Variants in LINGO2 observed in about 807,000 individuals in gnomAD.
The protein encoded by LINGO2 is leucine rich repeat and Ig domain containing 2.
Under a neutral mutation model 30.6 loss-of-function variants are expected in LINGO2, and 14 were observed. The observed-to-expected ratio is 0.46, with a 90% CI of 0.30 to 0.72. The LOEUF (loss-of-function observed/expected upper bound fraction) is 0.72. Ranked by LOEUF, LINGO2 falls within the 30% of genes least tolerant of loss-of-function variation. The probability of loss-of-function intolerance (pLI) is 0.07; values close to 1 mark genes in which losing one functional copy is unlikely to be tolerated. For synonymous variants in LINGO2, 317 were observed against 288.5 expected (o/e 1.10, Z -1.00); for missense variants, 729 against 751.7 (o/e 0.97, Z 0.35).
intron 2 of LINGO2, among the ~76,000 whole-genome samples, chr9:28,441,580 T>C (rs1242592310): frequency 6.6e-6 from 1 of 152,108 alleles, no homozygotes; most frequent in African/African-American, 2.4e-5. Flanking sequence ...CTCATACCAG[T>C]TGTCTAGGCA....
downstream of LINGO2, among the ~76,000 whole-genome samples, chr9:27,947,014 C>T (rs376242013): frequency 6.6e-6 from 1 of 152,038 alleles, no homozygotes; most frequent in African/African-American, 2.4e-5. Flanking sequence ...GAATGTCAAC[C>T]CGCCAATCCA....
chr9:28,867,484 GAA>G, the LINGO2 span, among the ~76,000 whole-genome samples: 1 of 104,784 alleles, frequency 9.5e-6, no homozygotes, highest in Non-Finnish European at 2.1e-5. Context: ...TTCAAGTAAA[GAA>G]AAAAAAAAAA....
At chr9:28,041,407 G>C (rs1349693041) in intron 4 of LINGO2, among the ~76,000 whole-genome samples, 2 of 152,098 alleles carry the variant, frequency 1.3e-5, no homozygotes, top group African/African-American at 4.8e-5. Flanking sequence ...GTGTGCTTCT[G>C]TGTATAAAAC....
At chr9:28,839,857 GC>G in the LINGO2 span, among the ~76,000 whole-genome samples, 48 of 152,104 alleles carry the variant, frequency 3.2e-4, no homozygotes, top group Non-Finnish European at 3.5e-4. Flanking sequence ...GGTGCATGGT[GC>G]CCTGGCTGTT....
At chr9:29,140,711 T>C in the LINGO2 span, among the ~76,000 whole-genome samples, 36,981 of 151,650 alleles carry the variant, frequency 0.24, 4,691 homozygotes, top group East Asian at 0.44. Flanking sequence ...AAGAAGATCA[T>C]ATCATGTCAA....
chr9:28,496,846 C>A (rs1452925556), intron 1 of LINGO2, among the ~76,000 whole-genome samples: 2 of 152,234 alleles, frequency 1.3e-5, no homozygotes, highest in South Asian at 2.1e-4. Context: ...TCTTGTAGGG[C>A]AGGCCTGGTG....
chr9:28,726,928 C>T, the LINGO2 span, among the ~76,000 whole-genome samples: 1 of 152,054 alleles, frequency 6.6e-6, no homozygotes, highest in East Asian at 1.9e-4. Flanking sequence ...CCCCTATTTT[C>T]GGTTTTCTGG....
At chr9:28,680,647 G>T in the LINGO2 span, among the ~76,000 whole-genome samples, 17 of 151,850 alleles carry the variant, frequency 1.1e-4, no homozygotes, top group Non-Finnish European at 2.2e-4. Context: ...TTTTTATCAG[G>T]TGTTATCTTT....
At chr9:28,998,570 G>T in the LINGO2 span, among the ~76,000 whole-genome samples, 2 of 151,644 alleles carry the variant, frequency 1.3e-5, no homozygotes, top group Non-Finnish European at 2.9e-5. Flanking sequence ...TTTTTTAAAG[G>T]TACAATTTAA....
chr9:28,880,332 G>A, the LINGO2 span, among the ~76,000 whole-genome samples: 2 of 152,144 alleles, frequency 1.3e-5, no homozygotes, highest in Non-Finnish European at 2.9e-5. Flanking sequence ...TTAATTTGTA[G>A]CTTTGCCCCA....
chr9:28,388,022 A>T (rs898962658), intron 2 of LINGO2, among the ~76,000 whole-genome samples: 1 of 152,194 alleles, frequency 6.6e-6, no homozygotes, highest in African/African-American at 2.4e-5. Flanking sequence ...TAAGGCCCTC[A>T]TGGATCCATT....
rs1826790910 is a variant in LINGO2, at chr9:28,111,544, T to C, written c.-86-99139A>G. On this transcript the variant is annotated intron_variant, in intron 4 of 5. Coordinates refer to ENST00000379992, the Ensembl canonical transcript of LINGO2. ...GTTTTGTTGACTTATAATCATGTTTTAGGAAGGGAATAATCCAAGTGAATG... is the reference window on the plus strand; with the variant it reads ...GTTTTGTTGACTTATAATCATGTTTCAGGAAGGGAATAATCCAAGTGAATG... 3.3e-5 allele frequency among the ~76,000 whole-genome samples: 5 copies of C among 152,272 alleles called. No homozygotes were observed. The South Asian group carries it at 1.0e-3, about 32-fold the overall frequency.
the LINGO2 span, chr9:27,941,452 A>C: frequency 2.0e-5 from 3 of 152,156 alleles, no homozygotes; most frequent in Non-Finnish European, 4.4e-5. Context: ...AAAAGAAAAG[A>C]AGAATAGCAA....
chr9:28,894,322 A>G, the LINGO2 span, among the ~76,000 whole-genome samples: 1 of 152,194 alleles, frequency 6.6e-6, no homozygotes, highest in African/African-American at 2.4e-5. Context: ...GGTGCTATTT[A>G]TATATTTTAT....
the LINGO2 span, among the ~76,000 whole-genome samples, chr9:28,936,793 C>T: frequency 6.6e-6 from 1 of 152,118 alleles, no homozygotes; most frequent in Non-Finnish European, 1.5e-5. Flanking sequence ...TATTTGTCAG[C>T]TTGAGCTGGT....
intron 5 of LINGO2, among the ~76,000 whole-genome samples, chr9:27,978,241 A>T (rs1046128330): frequency 2.0e-5 from 3 of 152,086 alleles, no homozygotes; most frequent in Non-Finnish European, 2.9e-5. Flanking sequence ...ATCTTTAGCC[A>T]AACTGCAATT....
the LINGO2 span, among the ~76,000 whole-genome samples, chr9:28,885,360 T>TACAC: frequency 6.9e-6 from 1 of 144,138 alleles, no homozygotes; most frequent in African/African-American, 2.6e-5. Flanking sequence ...TATATATATA[T>TACAC]ACACACACAC....
intron 4 of LINGO2, among the ~76,000 whole-genome samples, chr9:28,193,607 T>C (rs1934704187): frequency 6.6e-6 from 1 of 152,140 alleles, no homozygotes; most frequent in African/African-American, 2.4e-5. Context: ...GGAAAAAAGG[T>C]AACCACTAGA....
intron 4 of LINGO2, among the ~76,000 whole-genome samples, chr9:28,027,468 T>A (rs1057314025): frequency 1.3e-5 from 2 of 151,658 alleles, no homozygotes; most frequent in Admixed American, 6.6e-5. Flanking sequence ...CACAAAAAAA[T>A]TATTCAGCAC....
Sources: allele counts gnomAD v4.1 joint callset (sites outside exome capture counted in the v4.1 genomes callset), GRCh38; gene constraint gnomAD v4.1.1; transcripts MANE v1.5; gene names NCBI Gene and HGNC (gene_info 2026-07-23, HGNC 2026-07-21).